The following ERCC6L2 variants were observed in gnomAD, a reference collection of about 807,000 sequenced individuals.
ERCC6L2 encodes the protein ERCC excision repair 6 like 2.
ERCC6L2 carries 77 observed loss-of-function variants against 132.0 expected under a neutral mutation model. That is an observed-to-expected ratio of 0.58 (90% CI 0.49 to 0.71). The LOEUF (loss-of-function observed/expected upper bound fraction) is 0.71. ERCC6L2 is among the 30% of genes least tolerant of loss of function. ERCC6L2 has a pLI of 0.00. For synonymous variants in ERCC6L2, 583 were observed against 632.4 expected (o/e 0.92, Z 1.17); for missense variants, 1,542 against 1,837.6 (o/e 0.84, Z 2.94).
At chr9:96,037,979 G>A (rs1834538738) in intron 19 of ERCC6L2, among the ~76,000 whole-genome samples, 1 of 151,962 alleles carries the variant, frequency 6.6e-6, no homozygotes, top group African/African-American at 2.4e-5. Context: ...AGAGCAGCTG[G>A]TATCATGGAA....
chr9:96,033,941 A>G (rs1293360693), intron 19 of ERCC6L2, among the ~76,000 whole-genome samples: 1 of 152,236 alleles, frequency 6.6e-6, no homozygotes, highest in African/African-American at 2.4e-5. Flanking sequence ...AGGGACGTCA[A>G]CTGCAAAAGA....
chr9:95,954,837 A>C (rs1405668381), intron 12 of ERCC6L2: 4 of 471,142 alleles, frequency 8.5e-6, no homozygotes, highest in Middle Eastern at 3.3e-4. Flanking sequence ...GTGCTGTGTC[A>C]CAGGAGCCTC....
At chr9:96,035,048 C>T (rs1051385633) in intron 19 of ERCC6L2, among the ~76,000 whole-genome samples, 22 of 152,236 alleles carry the variant, frequency 1.4e-4, no homozygotes, top group African/African-American at 4.8e-4. Flanking sequence ...GGAAGGACTC[C>T]CCATCTCCTC....
intron 17 of ERCC6L2, among the ~76,000 whole-genome samples, chr9:96,002,073 A>G (rs1833704224): frequency 2.6e-5 from 4 of 152,204 alleles, no homozygotes; most frequent in Admixed American, 1.3e-4. Context: ...AGCGCCACAC[A>G]CAGCCCCGGT....
rs770250664 is a variant in ERCC6L2, at chr9:95,928,767, C to T, written c.1654C>T (p.Arg552Ter). 1.9e-6 allele frequency: 3 copies of T among 1,613,134 alleles called. No individual in the cohort carries two copies. Among genetic ancestry groups the T allele is most frequent in the South Asian group, 2.2e-5 (2 of 91,022 alleles). The change falls in exon 11 of 19, where the codon CGA becomes TGA. Residue 552 changes from arginine to a stop codon, truncating the protein, a stop_gained. Transcript: ENST00000653738. LOFTEE classifies it high-confidence loss of function. The stretch of plus-strand genomic sequence containing the variant: ...CTGTATGGCGTCTGGGCTTGATTAC[C>T]GACGACTTGATGGAAGTACAAAATC... Reference protein sequence around the residue: ...QYCMASGLDYRRLDGSTKSEE... With the variant: ...QYCMASGLDY
chr9:95,902,907 T>A (rs1258553704), intron 3 of ERCC6L2, among the ~76,000 whole-genome samples: 1 of 152,146 alleles, frequency 6.6e-6, no homozygotes. Flanking sequence ...TTTTGTTCAT[T>A]ATATATTTTG....
intron 3 of ERCC6L2, chr9:95,904,998 C>T (rs1036845770): frequency 6.6e-6 from 1 of 152,074 alleles, no homozygotes; most frequent in African/African-American, 2.4e-5. Context: ...TATCACCCTT[C>T]CCCCATGTCT....
chr9:95,908,970 TA>T (rs1436312051), intron 4 of ERCC6L2, among the ~76,000 whole-genome samples: 7 of 151,898 alleles, frequency 4.6e-5, no homozygotes, highest in Admixed American at 3.9e-4. Flanking sequence ...AAAAAGAGAG[TA>T]AAAAAATCAC....
chr9:95,979,669 C>A (rs1832814998), intron 17 of ERCC6L2, among the ~76,000 whole-genome samples: 1 of 152,170 alleles, frequency 6.6e-6, no homozygotes, highest in South Asian at 2.1e-4. Flanking sequence ...AGCATTCTTT[C>A]ATGACCCAAA....
intron 14 of ERCC6L2, chr9:95,967,628 A>G (rs1832218350): frequency 1.3e-5 from 2 of 152,156 alleles, no homozygotes; most frequent in South Asian, 4.1e-4. Flanking sequence ...AGAGGAAGGT[A>G]TATATTATTT....
chr9:95,930,748 T>G (rs1047757687), intron 11 of ERCC6L2, among the ~76,000 whole-genome samples: 1 of 152,210 alleles, frequency 6.6e-6, no homozygotes, highest in African/African-American at 2.4e-5. Flanking sequence ...CTTTCTTGGT[T>G]TGCCGCCATG....
chr9:96,008,172 C>T (rs1055042873), intron 18 of ERCC6L2, among the ~76,000 whole-genome samples: 4 of 152,144 alleles, frequency 2.6e-5, no homozygotes, highest in Non-Finnish European at 4.4e-5. Flanking sequence ...AGTTTGCATG[C>T]GTTCTCTGTT....
At chr9:96,031,603 C>T (rs1345546466) in intron 19 of ERCC6L2, among the ~76,000 whole-genome samples, 1 of 152,270 alleles carries the variant, frequency 6.6e-6, no homozygotes, top group Non-Finnish European at 1.5e-5. Context: ...AAAGCCAAGG[C>T]GCCCAAGCAC....
chr9:95,964,438 G>T (rs921521232), intron 13 of ERCC6L2, among the ~76,000 whole-genome samples: 36 of 152,138 alleles, frequency 2.4e-4, no homozygotes, highest in African/African-American at 8.4e-4. Flanking sequence ...AACCACCTGG[G>T]TTATCCAGAT....
intron 6 of ERCC6L2, among the ~76,000 whole-genome samples, chr9:95,919,884 A>G (rs1829779145): frequency 6.6e-6 from 1 of 152,384 alleles, no homozygotes; most frequent in Non-Finnish European, 1.5e-5. Context: ...AGAGGAATTA[A>G]TCGAAGATGA....
intron 8 of ERCC6L2, 81 bp from the exon 9 acceptor site, chr9:95,923,179 T>C: frequency 2.0e-6 from 3 of 1,487,628 alleles, no homozygotes; most frequent in Non-Finnish European, 2.7e-6. Flanking sequence ...TAAAAAGAAT[T>C]TTTTTCATAA....
intron 6 of ERCC6L2, among the ~76,000 whole-genome samples, chr9:95,920,462 CTGT>C (rs1467357786): frequency 6.6e-6 from 1 of 151,884 alleles, no homozygotes; most frequent in African/African-American, 2.4e-5. Context: ...ACTATTTATA[CTGT>C]TGTTAAGGCT....
At chr9:95,960,546 G>A (rs1281315895) in intron 13 of ERCC6L2, among the ~76,000 whole-genome samples, 4 of 152,132 alleles carry the variant, frequency 2.6e-5, no homozygotes, top group South Asian at 4.1e-4. Flanking sequence ...TAACCACAGA[G>A]GCATTGATTG....
At chr9:95,942,245 C>T (rs909981889) in intron 12 of ERCC6L2, among the ~76,000 whole-genome samples, 4 of 152,098 alleles carry the variant, frequency 2.6e-5, no homozygotes, top group Non-Finnish European at 5.9e-5. Context: ...ACACGTGTTA[C>T]CTGCATGGAA....
Sources: gnomAD v4.1 joint callset for allele counts (sites outside exome capture counted in the v4.1 genomes callset) on GRCh38, gnomAD v4.1.1 for gene constraint, MANE v1.5 for transcripts, NCBI Gene and HGNC (gene_info 2026-07-23, HGNC 2026-07-21) for gene names.